The following RCSD1 variants were observed in gnomAD, a reference collection of about 807,000 sequenced individuals.
The protein encoded by RCSD1 is capZ-interacting protein.
RCSD1 carries 26 observed loss-of-function variants against 42.5 expected under a neutral mutation model. That is an observed-to-expected ratio of 0.61 (90% CI 0.45 to 0.85). The LOEUF (loss-of-function observed/expected upper bound fraction) is 0.85. RCSD1 is among the 40% of genes least tolerant of loss of function. RCSD1 has a pLI of 0.00. For missense variants in RCSD1, 571 were observed against 528.3 expected (o/e 1.08, Z -0.79); for synonymous variants, 220 against 212.2 (o/e 1.04, Z -0.32).
At chr1:167,640,830 A>T (rs1432060134) in intron 1 of RCSD1, 4 of 152,204 alleles carry the variant, frequency 2.6e-5, no homozygotes, top group Non-Finnish European at 5.9e-5. Flanking sequence ...GATTACAGGC[A>T]TTAAACACTG....
rs957544762 is a variant in RCSD1, at chr1:167,684,012, C to A, written c.108+11C>A. ...GCTGCAGCCAAGGAGGTGAGTCAGGCCGCTTCAGAGCAGCCTCTTCAGCAG... is the reference window on the plus strand; with the variant it reads ...GCTGCAGCCAAGGAGGTGAGTCAGGACGCTTCAGAGCAGCCTCTTCAGCAG... On this transcript the variant is annotated intron_variant, in intron 2 of 6. Coordinates refer to ENST00000367854, the MANE Select transcript of RCSD1 (RefSeq NM_052862.4). 2.5e-6 allele frequency: 4 copies of A among 1,607,214 alleles called. No individual in the cohort carries two copies. The African/African-American group carries it at 4.0e-5, about 16-fold the overall frequency.
chr1:167,700,768 A>G lies in RCSD1; in HGVS notation c.1218+2926A>G, dbSNP rs146231658. 5.4e-3 allele frequency among the ~76,000 whole-genome samples: 822 copies of G among 152,286 alleles called. 2 individuals are homozygous for G. Among genetic ancestry groups the G allele is most frequent in the Middle Eastern group, 0.017 (5 of 294 alleles). ...CACCAGGTCTAGAGAAGGCAAATACATGCCCCAATCTGTTAGTCCTTTTTG... is the reference window on the plus strand; with the variant it reads ...CACCAGGTCTAGAGAAGGCAAATACGTGCCCCAATCTGTTAGTCCTTTTTG... On this transcript the variant is annotated intron_variant, in intron 6 of 6. Transcript: ENST00000367854.
intron 3 of RCSD1, 120 bp downstream of exon 3, chr1:167,685,630 A>T: frequency 1.4e-6 from 1 of 714,812 alleles, no homozygotes; most frequent in Admixed American, 3.0e-5. Context: ...TGTGCAGGGA[A>T]TTTCTCCATT....
intron 1 of RCSD1, among the ~76,000 whole-genome samples, chr1:167,675,207 GAAAA>G (rs34426324): frequency 1.6e-3 from 78 of 49,146 alleles, no homozygotes; most frequent in South Asian, 0.012. Flanking sequence ...CTCCATCTCG[GAAAA>G]AAAAAAAAAA....
At chr1:167,640,168 G>A (rs1018918826) in intron 1 of RCSD1, among the ~76,000 whole-genome samples, 6 of 152,204 alleles carry the variant, frequency 3.9e-5, no homozygotes, top group African/African-American at 1.2e-4. Flanking sequence ...GGCTGCTGCC[G>A]TAACAGATTA....
chr1:167,672,553 C>G (rs1441822892), intron 1 of RCSD1, among the ~76,000 whole-genome samples: 2 of 152,150 alleles, frequency 1.3e-5, no homozygotes, highest in Non-Finnish European at 2.9e-5. Context: ...CCTCCATCTT[C>G]AAAGACAGCA....
At chr1:167,697,889 G>A in intron 6 of RCSD1, 47 bp downstream of exon 6, 3 of 1,442,134 alleles carry the variant, frequency 2.1e-6, no homozygotes, top group Non-Finnish European at 2.7e-6. Flanking sequence ...GCCAGGGCCA[G>A]TGTGTGCCTC....
intron 1 of RCSD1, among the ~76,000 whole-genome samples, chr1:167,681,275 T>G (rs1035473960): frequency 3.9e-5 from 6 of 152,250 alleles, no homozygotes; most frequent in South Asian, 2.1e-4. Flanking sequence ...TGGCCTGTTC[T>G]GTGTGACTCT....
chr1:167,679,137 A>T (rs1659019386), intron 1 of RCSD1, among the ~76,000 whole-genome samples: 1 of 152,248 alleles, frequency 6.6e-6, no homozygotes, highest in Non-Finnish European at 1.5e-5. Flanking sequence ...CTCTTCCAGT[A>T]AAGGCATAGA....
At chr1:167,672,356 C>A (rs1194492420) in intron 1 of RCSD1, among the ~76,000 whole-genome samples, 1 of 152,202 alleles carries the variant, frequency 6.6e-6, no homozygotes. Flanking sequence ...CAAATGTCCA[C>A]CAACTTAGTG....
Position 167,704,802 on chromosome 1 carries a change from A to G in RCSD1, c.*106A>G. Reference sequence around the variant, plus strand: ...GACGAAGCCATTGCAGAGGCAGAATATGCTGAGTGTCTGGAGTCAGCCTGA... The same window carrying G: ...GACGAAGCCATTGCAGAGGCAGAATGTGCTGAGTGTCTGGAGTCAGCCTGA... On this transcript the variant is annotated 3_prime_UTR_variant, in exon 7 of 7. Transcript: ENST00000367854. The G allele has an allele frequency of 1.8e-6, 2 of 1,119,320 alleles. No homozygotes were observed. Among genetic ancestry groups the G allele is most frequent in the Non-Finnish European group, 2.7e-6 (2 of 749,304 alleles). 69.3% of individuals were successfully genotyped at this position (1,119,320 alleles called of 1,614,324 possible). A position where few individuals can be genotyped will look rare whatever the true frequency, so the allele number is the denominator to read the frequency against.
intron 1 of RCSD1, among the ~76,000 whole-genome samples, chr1:167,635,101 G>A (rs546625280): frequency 1.1e-3 from 167 of 152,158 alleles, no homozygotes; most frequent in Non-Finnish European, 2.0e-3. Flanking sequence ...AACATGTAAC[G>A]AATCCAAATC....
At chr1:167,656,404 G>T (rs1443574335) in intron 1 of RCSD1, among the ~76,000 whole-genome samples, 1 of 152,190 alleles carries the variant, frequency 6.6e-6, no homozygotes, top group African/African-American at 2.4e-5. Context: ...CGGGCAAATG[G>T]AATGCTTTTA....
At chr1:167,695,538 A>ATTTTTTTT (rs34867466) in intron 5 of RCSD1, among the ~76,000 whole-genome samples, 2 of 141,046 alleles carry the variant, frequency 1.4e-5, no homozygotes, top group Admixed American at 7.0e-5. Flanking sequence ...TTACACACTA[A>ATTTTTTTT]TTTTTTTTTT....
rs1659749635 is a variant in RCSD1 at position 167,706,012 on chromosome 1, C to T, written c.*1316C>T. ...GAGGTCTGTTAGACTACATCCTACA[C>T]TGACTTCAGAAAACAGTCTGTCAGA... is the stretch of plus-strand genomic sequence containing the variant. On this transcript the variant is annotated 3_prime_UTR_variant, in exon 7 of 7. Transcript: ENST00000367854. 3 of 152,242 alleles carry T rather than the reference C, an allele frequency of 2.0e-5. No individual in the cohort carries two copies. The allele number at this position is 152,242 out of a possible 1,614,324, so 9.4% of individuals were successfully genotyped here.
chr1:167,683,784 T>C (rs775750519), intron 1 of RCSD1, 116 bp from the exon 2 acceptor site: 22 of 940,770 alleles, frequency 2.3e-5, no homozygotes, highest in Non-Finnish European at 8.3e-6. Context: ...AGTTGGATAA[T>C]GCTGTTAAAA....
At chr1:167,672,031 T>C (rs896963335) in intron 1 of RCSD1, among the ~76,000 whole-genome samples, 2 of 152,172 alleles carry the variant, frequency 1.3e-5, no homozygotes, top group African/African-American at 4.8e-5. Flanking sequence ...CATTTCACCA[T>C]GTCCTTCTGC....
chr1:167,639,708 G>A (rs1657958352), intron 1 of RCSD1, among the ~76,000 whole-genome samples: 1 of 152,168 alleles, frequency 6.6e-6, no homozygotes. Context: ...TGGCCAGGCT[G>A]GTCTTGAACT....
chr1:167,656,563 A>G (rs1457296955), intron 1 of RCSD1, among the ~76,000 whole-genome samples: 2 of 152,176 alleles, frequency 1.3e-5, no homozygotes, highest in Admixed American at 6.5e-5. Context: ...ATTTGGTGAC[A>G]CTGGGCCTTG....
Sources: gnomAD v4.1 joint callset for allele counts (sites outside exome capture counted in the v4.1 genomes callset) on GRCh38, gnomAD v4.1.1 for gene constraint, MANE v1.5 for transcripts, NCBI Gene and HGNC (gene_info 2026-07-23, HGNC 2026-07-21) for gene names.